Variants in COMT observed in about 807,000 individuals in gnomAD.
COMT encodes catechol O-methyltransferase.
COMT carries 13 observed loss-of-function variants against 18.9 expected under a neutral mutation model. That is an observed-to-expected ratio of 0.69 (90% CI 0.45 to 1.09). COMT has a LOEUF of 1.09. Among genes scored for constraint, COMT ranks in the 50% least tolerant of loss-of-function variants. The pLI, the probability that COMT is intolerant of heterozygous loss-of-function variation, is 0.00. For synonymous variants in COMT, 150 were observed against 160.9 expected (o/e 0.93, Z 0.51); for missense variants, 329 against 361.8 (o/e 0.91, Z 0.73).
chr22:19,958,420 C>T (rs985571946), intron 1 of COMT, among the ~76,000 whole-genome samples: 3 of 151,998 alleles, frequency 2.0e-5, no homozygotes, highest in African/African-American at 7.2e-5. Flanking sequence ...CCATCCCAAC[C>T]TCCCAAAGTG....
chr22:19,962,521 C>CCCCCCA lies in COMT; in HGVS notation c.1-6_1-5insCCCCCA. 1 of 1,543,836 alleles carries CCCCCCA rather than the reference C, an allele frequency of 6.5e-7. No individual in the cohort carries two copies. ...GCACTGGCGCCCCTCCCCTCCCGCCCTGCAGATGCCGGAGGCCCCGCCTCT... is the reference window on the plus strand; with the variant it reads ...GCACTGGCGCCCCTCCCCTCCCGCCCCCCCCATGCAGATGCCGGAGGCCCCGCCTCT... On this transcript the variant is annotated splice_polypyrimidine_tract_variant and splice_region_variant and intron_variant, in intron 2 of 5. Transcript: ENST00000361682.
intron 4 of COMT, 67 bp downstream of exon 4, chr22:19,963,826 A>C: frequency 6.6e-7 from 1 of 1,523,088 alleles, no homozygotes; most frequent in African/African-American, 1.4e-5. Context: ...GGGCATGCGC[A>C]CTTTGTCCTC....
At chr22:19,966,569 T>G (rs183643105) in intron 5 of COMT, among the ~76,000 whole-genome samples, 102 of 149,674 alleles carry the variant, frequency 6.8e-4, no homozygotes, top group Non-Finnish European at 1.3e-3. Context: ...GCCTCCTGAG[T>G]AGCTAGGACT....
At position 19,964,210 on chromosome 22, in the gene COMT, C is replaced by A; in HGVS notation, c.526C>A (p.Leu176Met). Residue 176 changes from leucine (L) to methionine (M), a missense_variant, in exon 5 of 6, where the codon CTG becomes ATG. By Grantham distance (15) the Leu-to-Met change is conservative. Transcript: ENST00000361682. ...VGASQDIIPQ[L>M]KKKYDVDTLD... is the part of the protein sequence containing the mutation. ...AGCGTCCCAGGACATCATCCCCCAG[C>A]TGAAGAAGAAGTATGATGTGGACAC... is the stretch of plus-strand genomic sequence containing the variant. 6.2e-7 allele frequency: 1 copy of A among 1,614,142 alleles called. No homozygotes were observed. The highest frequency in any genetic ancestry group is 2.2e-5 in the East Asian group (1 of 44,886).
At chr22:19,960,047 C>T (rs865812290) in intron 1 of COMT, among the ~76,000 whole-genome samples, 1 of 152,246 alleles carries the variant, frequency 6.6e-6, no homozygotes, top group Admixed American at 6.5e-5. Flanking sequence ...GCCTCCTCCC[C>T]TCTGCTGCCT....
chr22:19,963,602 C>A lies in COMT; in HGVS notation c.326C>A (p.Pro109His), dbSNP rs2146169248. ...IVDAVIQEHQ[P>H]SVLLELGAYC... ...GACGCCGTGATTCAGGAGCACCAGC[C>A]CTCCGTGCTGCTGGAGCTGGGGGCC... Residue 109 changes from proline to histidine, a missense_variant, in exon 4 of 6, where the codon CCC (proline) becomes CAC (histidine). By Grantham distance (77) the Pro-to-His change is moderately conservative (BLOSUM62 -2). Coordinates refer to ENST00000361682, the MANE Select transcript of COMT (RefSeq NM_000754.4). 1 of 1,612,900 alleles carries A rather than the reference C, an allele frequency of 6.2e-7. No homozygotes were observed. Among genetic ancestry groups the A allele is most frequent in the Non-Finnish European group, 8.5e-7 (1 of 1,180,000 alleles).
chr22:19,955,452 T>G (rs1386802823), intron 1 of COMT, among the ~76,000 whole-genome samples: 1 of 152,236 alleles, frequency 6.6e-6, no homozygotes, highest in Non-Finnish European at 1.5e-5. Flanking sequence ...CTGGTCCCCC[T>G]TTATCACACC....
Position 19,969,851 on chromosome 22 carries a change from G to A in COMT, c.*1115G>A. 1 of 985,444 alleles carries A rather than the reference G, an allele frequency of 1.0e-6. No homozygotes were observed. The highest frequency in any genetic ancestry group is 1.2e-6 in the Non-Finnish European group (1 of 829,926). The allele number at this position is 985,444 out of a possible 1,614,324, so 61.0% of individuals were successfully genotyped here. A position where few individuals can be genotyped will look rare whatever the true frequency, so the allele number is the denominator to read the frequency against. ...ACGCGCAGAGGCCCGACACAAGGGA[G>A]AAGCCAGCCACTTGTGCCAGACCTG... On this transcript the variant is annotated 3_prime_UTR_variant, in exon 6 of 6. Transcript: ENST00000361682.
chr22:19,967,045 G>C (rs1351327876), intron 5 of COMT: 4 of 1,209,640 alleles, frequency 3.3e-6, no homozygotes, highest in Non-Finnish European at 4.2e-6. Flanking sequence ...GGCAGGACAG[G>C]TGCTGCCTTC....
intron 1 of COMT, among the ~76,000 whole-genome samples, chr22:19,946,997 C>A (rs949348350): frequency 3.2e-4 from 47 of 147,882 alleles, no homozygotes; most frequent in Non-Finnish European, 6.4e-4. Flanking sequence ...CTCACTGCAA[C>A]CTCCGCCTCC....
rs1230683925 is a variant in COMT at position 19,941,784 on chromosome 22, G to A, written c.-205G>A. 2 of 1,528,418 alleles carry A rather than the reference G, an allele frequency of 1.3e-6. No individual in the cohort carries two copies. The highest frequency in any genetic ancestry group is 1.7e-6 in the Non-Finnish European group (2 of 1,148,078). The allele number at this position is 1,528,418 out of a possible 1,614,324, so 94.7% of individuals were successfully genotyped here. A position where few individuals can be genotyped will look rare whatever the true frequency, so the allele number is the denominator to read the frequency against. ...GAAGCGCCCTCCTAATCCCCGCAGC[G>A]CCACCGCCATTGCCGCCATCGTCGT... is the stretch of plus-strand genomic sequence containing the variant. On this transcript the variant is annotated 5_prime_UTR_variant, in exon 1 of 6. Transcript: ENST00000361682.
chr22:19,960,745 A>G (rs897586855), intron 1 of COMT, among the ~76,000 whole-genome samples: 29 of 152,240 alleles, frequency 1.9e-4, no homozygotes, highest in African/African-American at 6.8e-4. Flanking sequence ...TGTGAGCTGC[A>G]TGTTGGCCAC....
rs536817064 is a variant in COMT at position 19,951,277 on chromosome 22, T to C, written c.-92+9380T>C. Among the ~76,000 whole-genome samples, 122 of 144,046 alleles carry C rather than the reference T, an allele frequency of 8.5e-4. 1 individual carries two copies. Among genetic ancestry groups the C allele is most frequent in the African/African-American group, 3.0e-3 (118 of 38,820 alleles). The allele number at this position is 144,046 out of a possible 152,430, so 94.5% of individuals were successfully genotyped here. On this transcript the variant is annotated intron_variant, in intron 1 of 5. Transcript: ENST00000361682. ...GGGAGGCTGAGGCAGGAGAATGGCA[T>C]GAACCCGGGGGACGGAGCTTGCAAT...
intron 4 of COMT, 197 bp from the exon 5 acceptor site, chr22:19,963,971 G>A: frequency 8.1e-7 from 1 of 1,228,464 alleles, no homozygotes; most frequent in Non-Finnish European, 1.2e-6. Context: ...AACTGCCAAG[G>A]TGGCACCAGG....
At chr22:19,964,367 C>A (rs1942285728) in intron 5 of COMT, 68 bp downstream of exon 5, 1 of 1,609,350 alleles carries the variant, frequency 6.2e-7, no homozygotes, top group Non-Finnish European at 8.5e-7. Context: ...GCCTCAGCCT[C>A]TCCAAAGAGC....
At chr22:19,956,129 CTTTTTTTCTT>C (rs1942053347) in intron 1 of COMT, among the ~76,000 whole-genome samples, 11 of 81,242 alleles carry the variant, frequency 1.4e-4, no homozygotes, top group Admixed American at 3.6e-4. Flanking sequence ...TCTTTTTTTT[CTTTTTTTCTT>C]TTTTTTTTTT....
At chr22:19,963,292 G>A (rs1005917348) in intron 3 of COMT, 6 of 586,954 alleles carry the variant, frequency 1.0e-5, no homozygotes, top group African/African-American at 9.3e-5. Context: ...AGCCAGGAAG[G>A]GTGGAAAAGA....
intron 1 of COMT, among the ~76,000 whole-genome samples, chr22:19,958,645 C>T (rs1449016687): frequency 6.8e-6 from 1 of 147,158 alleles, no homozygotes; most frequent in African/African-American, 2.5e-5. Context: ...CTTTGGAAGG[C>T]CAAGGGGGTG....
Position 19,962,748 on chromosome 22 carries a change from C to A in COMT, c.222C>A (p.Ser74Arg). The change falls in exon 3 of 6, where the codon AGC (serine) becomes AGA (arginine). Residue 74 changes from serine to arginine, a missense_variant. Physicochemically the swap from Ser to Arg is moderately radical, Grantham distance 110 (BLOSUM62 -1). Coordinates refer to ENST00000361682, the MANE Select transcript of COMT (RefSeq NM_000754.4). ...ATGCGGAGCCCGGGAACGCACAGAG[C>A]GTGCTGGAGGCCATTGACACCTACT... Reference protein sequence around the residue: ...LQHAEPGNAQSVLEAIDTYCE... With the variant: ...LQHAEPGNAQRVLEAIDTYCE... 1 of 1,613,488 alleles carries A rather than the reference C, an allele frequency of 6.2e-7. No individual in the cohort carries two copies. The highest frequency in any genetic ancestry group is 8.5e-7 in the Non-Finnish European group (1 of 1,179,764).
Sources: gnomAD v4.1 joint callset for allele counts (sites outside exome capture counted in the v4.1 genomes callset) on GRCh38, gnomAD v4.1.1 for gene constraint, MANE v1.5 for transcripts, NCBI Gene and HGNC (gene_info 2026-07-23, HGNC 2026-07-21) for gene names.